SCNN1D: variants seen among roughly 807,000 people sequenced by gnomAD.
The protein encoded by SCNN1D is epithelial sodium channel subunit delta.
Under a neutral mutation model 87.8 loss-of-function variants are expected in SCNN1D, and 104 were observed. The ratio of observed to expected loss-of-function variants is 1.18; its 90% CI spans 1.01 to 1.39. SCNN1D has a LOEUF of 1.39. SCNN1D is among the 40% of genes most tolerant of loss of function. SCNN1D has a pLI of 0.00. For synonymous variants in SCNN1D, 628 were observed against 481.2 expected (o/e 1.31, Z -3.99); for missense variants, 1,324 against 1,093.9 (o/e 1.21, Z -2.97).
In SCNN1D at chr1:1,280,618, G is replaced by A. The variant is rs1480722673; in HGVS notation, c.-44G>A. ...ATGCTTCTCATCAGACTCAAGGCCT[G>A]AGGTGATGCTGATGCTGTGCCTGAA... On this transcript the variant is annotated 5_prime_UTR_variant, in exon 1 of 18. An upstream open reading frame in the 5' UTR loses its in-frame stop. Transcript: ENST00000379116. The A allele has an allele frequency of 2.9e-6, 2 of 699,056 alleles. No individual in the cohort carries two copies. The highest frequency in any genetic ancestry group is 5.2e-6 in the Non-Finnish European group (2 of 383,148). The allele number at this position is 699,056 out of a possible 1,614,324, so 43.3% of individuals were successfully genotyped here. A position where few individuals can be genotyped will look rare whatever the true frequency, so the allele number is the denominator to read the frequency against.
Position 1,290,363 on chromosome 1 carries a change from C to G in SCNN1D, c.1755C>G (p.Cys585Trp), listed in dbSNP as rs760061028. ...LHPLPAGAEY[C>W]SSARHPAWGH... Reference sequence around the variant, plus strand: ...CTCTGCCGGCGGGGGCTGAGTACTGCAGCTCTGCCCGGCACCCTGCCTGGG... The same window carrying G: ...CTCTGCCGGCGGGGGCTGAGTACTGGAGCTCTGCCCGGCACCCTGCCTGGG... The change falls in exon 13 of 18, where the codon TGC becomes TGG. Residue 585 changes from cysteine (C) to tryptophan (W), a missense_variant. By Grantham distance (215) the Cys-to-Trp change is radical (BLOSUM62 -2). Transcript: ENST00000379116. 6.3e-7 allele frequency: 1 copy of G among 1,599,434 alleles called. No individual in the cohort carries two copies. Among genetic ancestry groups the G allele is most frequent in the Non-Finnish European group, 8.5e-7 (1 of 1,171,666 alleles).
rs1640635947 is a variant in SCNN1D, at chr1:1,287,829, T to C, written c.1556T>C (p.Ile519Thr). ...VRPGTEATISIREDEVHRLGS... is the reference protein window; with the variant it reads ...VRPGTEATISTREDEVHRLGS... Reference sequence around the variant, plus strand: ...CCAGGGACGGAGGCCACCATCAGCATCCGAGAGGTGAGCTGGCCTCTGCAG... The same window carrying C: ...CCAGGGACGGAGGCCACCATCAGCACCCGAGAGGTGAGCTGGCCTCTGCAG... The change falls in exon 11 of 18, where the codon ATC becomes ACC. Residue 519 changes from isoleucine to threonine, a missense_variant. Coordinates refer to ENST00000379116, the MANE Select transcript of SCNN1D (RefSeq NM_001130413.4). 3 of 1,549,606 alleles carry C rather than the reference T, an allele frequency of 1.9e-6. No individual in the cohort carries two copies. Among genetic ancestry groups the C allele is most frequent in the South Asian group, 2.4e-5 (2 of 84,048 alleles).
rs377186436 is a variant in SCNN1D, at chr1:1,286,028, C to T, written c.661C>T (p.Arg221Trp). 1.4e-4 allele frequency: 219 copies of T among 1,569,576 alleles called. No individual in the cohort carries two copies. The highest frequency in any genetic ancestry group is 3.8e-4 in the African/African-American group (28 of 74,036). Residue 221 changes from arginine to tryptophan, a missense_variant, in exon 7 of 18, where the codon CGG becomes TGG. Coordinates refer to ENST00000379116, the MANE Select transcript of SCNN1D (RefSeq NM_001130413.4). Reference protein sequence around the residue: ...EGLVELPASFRELLTFFCTNA... With the variant: ...EGLVELPASFWELLTFFCTNA... Reference sequence around the variant, plus strand: ...GCTGGTGGAGCTGCCCGCCTCGTTCCGGGAGCTGCTCACCTTCTTCTGCAC... The same window carrying T: ...GCTGGTGGAGCTGCCCGCCTCGTTCTGGGAGCTGCTCACCTTCTTCTGCAC...
intron 12 of SCNN1D, among the ~76,000 whole-genome samples, chr1:1,288,308 G>A (rs1394981022): frequency 2.6e-4 from 15 of 58,398 alleles, no homozygotes; most frequent in Admixed American, 9.2e-4. Flanking sequence ...TGTCTGCTCC[G>A]TCCCGTGTCC....
At chr1:1,291,163 G>T in intron 17 of SCNN1D, 23 bp downstream of exon 17, 1 of 1,607,832 alleles carries the variant, frequency 6.2e-7, no homozygotes, top group Non-Finnish European at 8.5e-7. Flanking sequence ...CCCCTGCCTG[G>T]GCTAGAGCGG....
Position 1,286,805 on chromosome 1 carries a change from G to A in SCNN1D, c.949G>A (p.Glu317Lys), listed in dbSNP as rs760711177. The A allele has an allele frequency of 2.1e-5, 34 of 1,612,554 alleles. No homozygotes were observed. Among genetic ancestry groups the A allele is most frequent in the Non-Finnish European group, 2.5e-5 (30 of 1,179,928 alleles). The stretch of plus-strand genomic sequence containing the variant: ...CCTCCGCCATCTGGAGCTGCTGGAC[G>A]AGTTTGCCAGGGAGAACATTGACTC... ...PVLRHLELLD[E>K]FARENIDSLY... is the part of the protein sequence containing the mutation. Residue 317 changes from glutamate to lysine, a missense_variant, in exon 8 of 18, where the codon GAG becomes AAG. Physicochemically the swap from Glu to Lys is moderately conservative, Grantham distance 56 (BLOSUM62 1). Transcript: ENST00000379116.
In SCNN1D at chr1:1,291,910, TCTGATGCAC is replaced by T. The variant is rs1640833057; in HGVS notation, c.*304_*312del. The T allele has an allele frequency of 3.3e-6, 1 of 302,664 alleles. No homozygotes were observed. The highest frequency in any genetic ancestry group is 6.2e-6 in the Non-Finnish European group (1 of 162,484). 18.7% of individuals were successfully genotyped at this position (302,664 alleles called of 1,614,324 possible). On this transcript the variant is annotated 3_prime_UTR_variant, in exon 18 of 18. Coordinates refer to ENST00000379116, the MANE Select transcript of SCNN1D (RefSeq NM_001130413.4). ...GTGTCTGTGTCTGCATGTCCACACGTCTGATGCACCTGTGTACGTGTGTCAAGCCTAGCC... is the reference window on the plus strand; with the variant it reads ...GTGTCTGTGTCTGCATGTCCACACGTCTGTGTACGTGTGTCAAGCCTAGCC...
At chr1:1,283,105 G>A (rs893011896) in intron 4 of SCNN1D, among the ~76,000 whole-genome samples, 1 of 152,110 alleles carries the variant, frequency 6.6e-6, no homozygotes, top group Non-Finnish European at 1.5e-5. Context: ...GTGTGGGTGT[G>A]GACTGAAAGT....
intron 8 of SCNN1D, 59 bp downstream of exon 8, chr1:1,287,034 G>T: frequency 6.3e-7 from 1 of 1,583,952 alleles, no homozygotes; most frequent in Non-Finnish European, 8.6e-7. Flanking sequence ...GCACGGCCCT[G>T]CGCTGCTGGT....
intron 5 of SCNN1D, among the ~76,000 whole-genome samples, chr1:1,284,615 G>A (rs1415905954): frequency 6.6e-6 from 1 of 151,818 alleles, no homozygotes; most frequent in East Asian, 1.9e-4. Context: ...GGGGTGCCGA[G>A]CGTGTGCTGG....
intron 1 of SCNN1D, chr1:1,281,021 C>T: frequency 5.0e-6 from 3 of 604,144 alleles, no homozygotes; most frequent in Non-Finnish European, 5.9e-6. Flanking sequence ...GTGCAGGACC[C>T]CAGAGGGACC....
intron 1 of SCNN1D, 134 bp downstream of exon 1, chr1:1,280,800 A>G (rs1640454225): frequency 7.8e-6 from 5 of 639,206 alleles, no homozygotes; most frequent in Non-Finnish European, 1.4e-5. Context: ...GAGGGAACCT[A>G]GAAGGCAGCC....
In SCNN1D at chr1:1,284,064, G is replaced by A. The variant is rs1427755745; in HGVS notation, c.438G>A (p.Gln146=). The change falls in exon 5 of 18, where the codon CAG becomes CAA. Residue 146 remains glutamine (Q), a synonymous_variant. Coordinates refer to ENST00000379116, the MANE Select transcript of SCNN1D (RefSeq NM_001130413.4). ...AAGCATGGACGGGAGAATGGAAGCA[G>A]CCACACGGGGGGGCTCTCACCTCCA... The part of the protein sequence containing the change: ...STEAWTGEWK[Q]PHGGALTSRS... 8.1e-7 allele frequency: 1 copy of A among 1,232,650 alleles called. No homozygotes were observed. 76.4% of individuals were successfully genotyped at this position (1,232,650 alleles called of 1,614,324 possible).
chr1:1,287,390 C>T, intron 9 of SCNN1D, 91 bp downstream of exon 9: 1 of 1,486,490 alleles, frequency 6.7e-7, no homozygotes, highest in Non-Finnish European at 9.0e-7. Flanking sequence ...TGCTGGGAGC[C>T]ACCCAAGGCT....
chr1:1,290,700 T>A lies in SCNN1D; in HGVS notation c.1917+6T>A. On this transcript the variant is annotated splice_donor_region_variant and intron_variant, in intron 15 of 17. Transcript: ENST00000379116. The stretch of plus-strand genomic sequence containing the variant: ...GGCCTTCCGCCAAGTCAGCTGTGAG[T>A]CCCCAAAGTGGTGGGGTGGGGGTGT... 1.2e-6 allele frequency: 2 copies of A among 1,612,366 alleles called. No individual in the cohort carries two copies. Among genetic ancestry groups the A allele is most frequent in the South Asian group, 1.1e-5 (1 of 91,054 alleles).
chr1:1,290,334 C>A lies in SCNN1D; in HGVS notation c.1726C>A (p.His576Asn). The change falls in exon 13 of 18, where the codon CAC (histidine) becomes AAC (asparagine). Residue 576 changes from histidine to asparagine, a missense_variant. By Grantham distance (68) the His-to-Asn change is moderately conservative (BLOSUM62 1). Transcript: ENST00000379116. ...VETCSCGYYL[H>N]PLPAGAEYCS... ...GACCTGCTCCTGTGGCTACTACCTC[C>A]ACCCTCTGCCGGCGGGGGCTGAGTA... The A allele has an allele frequency of 6.3e-7, 1 of 1,596,160 alleles. No homozygotes were observed. The highest frequency in any genetic ancestry group is 1.1e-5 in the South Asian group (1 of 88,640).
At chr1:1,282,381 C>T in intron 4 of SCNN1D, 66 bp downstream of exon 4, 2 of 1,521,910 alleles carry the variant, frequency 1.3e-6, no homozygotes, top group Non-Finnish European at 1.8e-6. Context: ...TGGGCTCCCC[C>T]AGCCAAGCCC....
rs1276190556 is a variant in SCNN1D at position 1,284,043 on chromosome 1, A to C, written c.417A>C (p.Ala139=). The change falls in exon 5 of 18, where the codon GCA becomes GCC. Residue 139 remains alanine (A), a synonymous_variant. Transcript: ENST00000379116. ...CCCCGCAATGGCTGAGCACCGAAGCATGGACGGGAGAATGGAAGCAGCCAC... is the reference window on the plus strand; with the variant it reads ...CCCCGCAATGGCTGAGCACCGAAGCCTGGACGGGAGAATGGAAGCAGCCAC... The part of the protein sequence containing the change: ...QLPPQWLSTE[A]WTGEWKQPHG... 7.5e-7 allele frequency: 1 copy of C among 1,341,558 alleles called. No homozygotes were observed. The highest frequency in any genetic ancestry group is 9.5e-7 in the Non-Finnish European group (1 of 1,051,364). The allele number at this position is 1,341,558 out of a possible 1,614,324, so 83.1% of individuals were successfully genotyped here.
intron 3 of SCNN1D, 92 bp downstream of exon 3, chr1:1,281,702 A>G: frequency 8.4e-7 from 1 of 1,189,780 alleles, no homozygotes; most frequent in Non-Finnish European, 1.2e-6. Flanking sequence ...ATGTGCTCTG[A>G]CTGAGGCCCT....
Sources: gnomAD v4.1 joint callset for allele counts (sites outside exome capture counted in the v4.1 genomes callset) on GRCh38, gnomAD v4.1.1 for gene constraint, MANE v1.5 for transcripts, NCBI Gene and HGNC (gene_info 2026-07-23, HGNC 2026-07-21) for gene names.